RASA2: variants seen among roughly 807,000 people sequenced by gnomAD.
RASA2 encodes the protein ras GTPase-activating protein 2.
A neutral mutation model predicts 118.2 loss-of-function variants in RASA2; 155 were observed. The ratio of observed to expected loss-of-function variants is 1.31; its 90% CI spans 1.15 to 1.50. The LOEUF (loss-of-function observed/expected upper bound fraction) is 1.50, where lower values mean the gene tolerates loss of function less well. Ranked by LOEUF, RASA2 falls within the 40% of genes most tolerant of loss-of-function variation. The pLI is 0.00. For missense variants in RASA2, 1,016 were observed against 1,009.6 expected (o/e 1.01, Z -0.09); for synonymous variants, 353 against 349.1 (o/e 1.01, Z -0.12).
intron 2 of RASA2, among the ~76,000 whole-genome samples, chr3:141,514,850 CACA>C (rs2081999697): frequency 6.6e-6 from 1 of 152,176 alleles, no homozygotes; most frequent in South Asian, 2.1e-4. Context: ...CTACTATGTA[CACA>C]ACAACATCGA....
At chr3:141,577,409 T>C (rs1414539374) in intron 15 of RASA2, among the ~76,000 whole-genome samples, 1 of 152,174 alleles carries the variant, frequency 6.6e-6, no homozygotes, top group African/African-American at 2.4e-5. Context: ...TAAATTTCCA[T>C]AAGTTTTTTT....
chr3:141,607,063 A>C (rs1158537014), intron 19 of RASA2, among the ~76,000 whole-genome samples: 1 of 152,148 alleles, frequency 6.6e-6, no homozygotes, highest in East Asian at 1.9e-4. Flanking sequence ...TCCTTAATGG[A>C]ATTTCCAAAG....
intron 23 of RASA2, among the ~76,000 whole-genome samples, chr3:141,610,721 C>A (rs539521394): frequency 6.6e-6 from 1 of 151,724 alleles, no homozygotes; most frequent in South Asian, 2.1e-4. Flanking sequence ...GAATTCCTGA[C>A]CTCCAGCGAT....
chr3:141,518,537 C>T (rs2082065497), intron 3 of RASA2, among the ~76,000 whole-genome samples: 1 of 139,374 alleles, frequency 7.2e-6, no homozygotes, highest in Non-Finnish European at 1.5e-5. Context: ...TGTCTTTGTC[C>T]TCTTAACTAA....
chr3:141,585,425 T>C (rs56340836), intron 17 of RASA2, among the ~76,000 whole-genome samples: 1,887 of 152,328 alleles, frequency 0.012, 42 homozygotes, highest in African/African-American at 0.043. Flanking sequence ...GAATGTTATG[T>C]ATTTCAGAAT....
At chr3:141,498,342 G>T (rs2081732744) in intron 1 of RASA2, among the ~76,000 whole-genome samples, 1 of 151,532 alleles carries the variant, frequency 6.6e-6, no homozygotes, top group African/African-American at 2.4e-5. Flanking sequence ...ATGATATATT[G>T]GAAGGAATTG....
At chr3:141,573,451 T>TTA (rs2082956251) in intron 13 of RASA2, among the ~76,000 whole-genome samples, 1 of 152,218 alleles carries the variant, frequency 6.6e-6, no homozygotes, top group Admixed American at 6.5e-5. Context: ...TTGGCTCTAG[T>TTA]AACAATAGTG....
At chr3:141,522,527 C>T (rs573850298) in intron 3 of RASA2, among the ~76,000 whole-genome samples, 14 of 152,248 alleles carry the variant, frequency 9.2e-5, no homozygotes, top group African/African-American at 2.6e-4. Context: ...CCTGAGAAGA[C>T]GCTGATCTTC....
At chr3:141,530,272 C>A in intron 4 of RASA2, among the ~76,000 whole-genome samples, 1 of 152,098 alleles carries the variant, frequency 6.6e-6, no homozygotes, top group East Asian at 1.9e-4. Flanking sequence ...CACACCCACC[C>A]TTTCCTGTTG....
intron 1 of RASA2, among the ~76,000 whole-genome samples, chr3:141,489,965 CTTTT>C (rs768242549): frequency 9.2e-5 from 12 of 130,972 alleles, no homozygotes; most frequent in Non-Finnish European, 1.7e-4. Context: ...CTTGAGTGTA[CTTTT>C]TTTTTTTTTT....
At chr3:141,543,302 A>G (rs1446750905) in intron 5 of RASA2, among the ~76,000 whole-genome samples, 1 of 152,152 alleles carries the variant, frequency 6.6e-6, no homozygotes, top group Non-Finnish European at 1.5e-5. Flanking sequence ...AATAAAATGT[A>G]TGTACTTTAC....
At chr3:141,590,877 A>G (rs956404213) in intron 19 of RASA2, among the ~76,000 whole-genome samples, 2 of 152,206 alleles carry the variant, frequency 1.3e-5, no homozygotes, top group South Asian at 2.1e-4. Flanking sequence ...TTTTTCTTCA[A>G]TAAGTTTTTA....
chr3:141,571,632 C>A, intron 11 of RASA2, 78 bp downstream of exon 11: 2 of 1,434,076 alleles, frequency 1.4e-6, no homozygotes, highest in South Asian at 2.5e-5. Flanking sequence ...ATTTTGTAGT[C>A]TGAATTTTTT....
At position 141,515,375 on chromosome 3, in the gene RASA2, T is replaced by G. The variant is rs192647779; in HGVS notation, c.252-953T>G. ...TGGTATGAATGACACTATCCTCACCTCTCAAATGGTCCACCTTAGGTGAGC... is the reference window on the plus strand; with the variant it reads ...TGGTATGAATGACACTATCCTCACCGCTCAAATGGTCCACCTTAGGTGAGC... On this transcript the variant is annotated intron_variant, in intron 2 of 23. Transcript: ENST00000286364. Among the ~76,000 whole-genome samples the G allele has an allele frequency of 1.2e-3, 178 of 152,228 alleles. 3 individuals are homozygous for G. The East Asian group carries it at 0.017, about 14-fold the overall frequency.
chr3:141,575,616 G>T lies in RASA2; in HGVS notation c.1484-1384G>T, dbSNP rs192812033. Reference sequence around the variant, plus strand: ...AAGCTGAGTAACTTTACCAAGGTCTGTGGCGTGGCCAACAGGCAAGCAGGG... The same window carrying T: ...AAGCTGAGTAACTTTACCAAGGTCTTTGGCGTGGCCAACAGGCAAGCAGGG... On this transcript the variant is annotated intron_variant, in intron 14 of 23. Coordinates refer to ENST00000286364, the MANE Select transcript of RASA2 (RefSeq NM_006506.5). Among the ~76,000 whole-genome samples, 102 of 152,320 alleles carry T rather than the reference G, an allele frequency of 6.7e-4. No homozygotes were observed. In the East Asian group the frequency reaches 9.3e-3, roughly 14 times the overall value.
intron 1 of RASA2, among the ~76,000 whole-genome samples, chr3:141,506,405 T>G (rs34558081): frequency 0.071 from 10,867 of 152,322 alleles, 754 homozygotes; most frequent in East Asian, 0.24. Flanking sequence ...AAATGAGGGA[T>G]GAACTATAAA....
chr3:141,595,538 C>T (rs566448032), intron 19 of RASA2, among the ~76,000 whole-genome samples: 1 of 152,142 alleles, frequency 6.6e-6, no homozygotes, highest in South Asian at 2.1e-4. Context: ...GTGTACATAC[C>T]TAATTACAAC....
At chr3:141,558,859 A>T (rs2082687455) in intron 7 of RASA2, 27 bp from the exon 8 acceptor site, 3 of 1,517,340 alleles carry the variant, frequency 2.0e-6, no homozygotes, top group Non-Finnish European at 2.7e-6. Flanking sequence ...TTTAAAAAAA[A>T]TTTTTACTAA....
intron 16 of RASA2, 108 bp downstream of exon 16, chr3:141,580,559 C>T: frequency 1.7e-6 from 1 of 595,622 alleles, no homozygotes; most frequent in East Asian, 3.2e-5. Context: ...AAAACATACA[C>T]ACACACACAC....
Sources: allele counts gnomAD v4.1 joint callset (sites outside exome capture counted in the v4.1 genomes callset), GRCh38; gene constraint gnomAD v4.1.1; transcripts MANE v1.5; gene names NCBI Gene and HGNC (gene_info 2026-07-23, HGNC 2026-07-21).